The following ADAM22 variants were observed in gnomAD, a reference collection of about 807,000 sequenced individuals.
The protein encoded by ADAM22 is disintegrin and metalloproteinase domain-containing protein 22.
A neutral mutation model predicts 144.6 loss-of-function variants in ADAM22; 65 were observed. That is an observed-to-expected ratio of 0.45 (90% confidence interval 0.37 to 0.55). The LOEUF (loss-of-function observed/expected upper bound fraction) is 0.55, where lower values mean the gene tolerates loss of function less well. Ranked by LOEUF, ADAM22 falls within the 20% of genes least tolerant of loss-of-function variation. ADAM22 has a pLI of 0.00. For synonymous variants in ADAM22, 391 were observed against 412.6 expected (o/e 0.95, Z 0.63); for missense variants, 974 against 1,184.9 (o/e 0.82, Z 2.61).
At chr7:88,046,847 G>A (rs866456726) in intron 3 of ADAM22, among the ~76,000 whole-genome samples, 17 of 151,948 alleles carry the variant, frequency 1.1e-4, no homozygotes, top group Non-Finnish European at 1.5e-4. Flanking sequence ...ATCTTGAATA[G>A]TTCTTTAATG....
intron 31 of ADAM22, 66 bp from the exon 32 acceptor site, chr7:88,196,405 T>C (rs1334852120): frequency 4.5e-6 from 7 of 1,568,892 alleles, no homozygotes; most frequent in Non-Finnish European, 6.1e-6. Context: ...CTTTTTCATC[T>C]CCTATTCAGA....
rs368127471 is a variant in ADAM22, at chr7:88,163,028, C to T, written c.1924C>T (p.Leu642Phe). Residue 642 changes from leucine to phenylalanine, a missense_variant, in exon 23 of 32, where the codon CTT becomes TTT. Coordinates refer to ENST00000413139, the MANE Select transcript of ADAM22 (RefSeq NM_001324418.2). ...TLNCSGGHVK[L>F]EEDVDLGYVE... Reference sequence around the variant, plus strand: ...TGTTTTTAGTGGTGGGCATGTTAAGCTTGAAGAAGATGTAGATCTTGGCTA... The same window carrying T: ...TGTTTTTAGTGGTGGGCATGTTAAGTTTGAAGAAGATGTAGATCTTGGCTA... 1.9e-6 allele frequency: 3 copies of T among 1,609,160 alleles called. No individual in the cohort carries two copies. The highest frequency in any genetic ancestry group is 2.7e-5 in the African/African-American group (2 of 74,580).
chr7:88,192,779 C>T lies in ADAM22; in HGVS notation c.2751-337C>T, dbSNP rs375946655. Among the ~76,000 whole-genome samples the T allele has an allele frequency of 1.8e-4, 28 of 152,276 alleles. No individual in the cohort carries two copies. In the South Asian group the frequency reaches 5.6e-3, roughly 30 times the overall value. ...TAAGGCACAATATTAATATTTTATA[C>T]ACATAATTTACCATTATAAGCTCTT... On this transcript the variant is annotated intron_variant, in intron 30 of 31. Transcript: ENST00000413139.
At chr7:88,145,528 A>G (rs754902431) in intron 17 of ADAM22, 21 bp downstream of exon 17, 2 of 1,581,934 alleles carry the variant, frequency 1.3e-6, no homozygotes, top group Non-Finnish European at 1.7e-6. Context: ...ATTAATGACC[A>G]TTTGACAGAA....
At position 88,156,019 on chromosome 7, in the gene ADAM22, C is replaced by T; in HGVS notation, c.1907+13C>T. 1 of 1,611,678 alleles carries T rather than the reference C, an allele frequency of 6.2e-7. No homozygotes were observed. Among genetic ancestry groups the T allele is most frequent in the Middle Eastern group, 1.7e-4 (1 of 6,042 alleles). On this transcript the variant is annotated intron_variant, in intron 22 of 31. Transcript: ENST00000413139. ...CATTAAACTGCAGGTAATTATCTAA[C>T]CATTCTGTAAGAATCTGAGTCATCT...
chr7:88,000,615 A>G (rs1378690772), intron 3 of ADAM22, among the ~76,000 whole-genome samples: 1 of 152,114 alleles, frequency 6.6e-6, no homozygotes, highest in African/African-American at 2.4e-5. Flanking sequence ...ATTATTTATT[A>G]TAATAAATTT....
intron 2 of ADAM22, among the ~76,000 whole-genome samples, chr7:87,955,167 G>A (rs542979097): frequency 5.8e-4 from 88 of 152,294 alleles, no homozygotes; most frequent in East Asian, 2.3e-3. Context: ...GCTTTGTTCC[G>A]TTGCTGGTGA....
chr7:88,052,187 G>A (rs950905469), intron 3 of ADAM22, among the ~76,000 whole-genome samples: 3 of 151,852 alleles, frequency 2.0e-5, no homozygotes, highest in Non-Finnish European at 4.4e-5. Context: ...CAAAGACCTC[G>A]GGCTTTAGCA....
intron 4 of ADAM22, among the ~76,000 whole-genome samples, chr7:88,100,746 C>T (rs1277775907): frequency 1.7e-4 from 26 of 152,120 alleles, no homozygotes; most frequent in Admixed American, 1.7e-3. Flanking sequence ...GAACTCCTGG[C>T]CTCAAGTGAT....
chr7:88,111,604 G>A (rs1826060408), intron 5 of ADAM22, among the ~76,000 whole-genome samples: 2 of 152,208 alleles, frequency 1.3e-5, no homozygotes, highest in South Asian at 4.1e-4. Flanking sequence ...GTGGAAATTT[G>A]TAAGAATGGC....
At chr7:87,967,465 T>A (rs1849396608) in intron 2 of ADAM22, among the ~76,000 whole-genome samples, 1 of 151,940 alleles carries the variant, frequency 6.6e-6, no homozygotes, top group Admixed American at 6.6e-5. Flanking sequence ...TCAAAAAGAA[T>A]AAAAATACCA....
At position 87,972,001 on chromosome 7, in the gene ADAM22, T is replaced by C. The variant is rs569333739; in HGVS notation, c.247-6335T>C. On this transcript the variant is annotated intron_variant, in intron 2 of 31. Coordinates refer to ENST00000413139, the MANE Select transcript of ADAM22 (RefSeq NM_001324418.2). ...GTCAGGAGATCGAGACCATCCTGGCTAACACAGTGAAACCCTGTCTCTACT... is the reference window on the plus strand; with the variant it reads ...GTCAGGAGATCGAGACCATCCTGGCCAACACAGTGAAACCCTGTCTCTACT... Among the ~76,000 whole-genome samples, 24 of 152,232 alleles carry C rather than the reference T, an allele frequency of 1.6e-4. No homozygotes were observed. In the East Asian group the frequency reaches 4.1e-3, roughly 26 times the overall value.
intron 3 of ADAM22, among the ~76,000 whole-genome samples, chr7:87,982,068 TACACACACACAC>T (rs1175758724): frequency 1.7e-4 from 16 of 93,720 alleles, no homozygotes; most frequent in South Asian, 4.7e-4. Context: ...TATATATATA[TACACACACACAC>T]ACACACACAC....
At chr7:88,081,621 C>T (rs1311540967) in intron 4 of ADAM22, among the ~76,000 whole-genome samples, 4 of 149,698 alleles carry the variant, frequency 2.7e-5, no homozygotes, top group African/African-American at 9.9e-5. Context: ...TCTCCTTAAG[C>T]TGATAAGCAA....
chr7:88,042,730 C>G (rs7802934), intron 3 of ADAM22, among the ~76,000 whole-genome samples: 60,852 of 151,216 alleles, frequency 0.4, 13,832 homozygotes, highest in East Asian at 0.59. Context: ...TTGTTCAGGT[C>G]AGGCTGACAT....
At chr7:88,099,444 G>A (rs113560834) in intron 4 of ADAM22, among the ~76,000 whole-genome samples, 9 of 152,244 alleles carry the variant, frequency 5.9e-5, no homozygotes, top group African/African-American at 1.7e-4. Flanking sequence ...AAGAAATTCC[G>A]AATTTAGGAA....
At chr7:88,145,916 T>G (rs1836263517) in intron 17 of ADAM22, among the ~76,000 whole-genome samples, 1 of 152,208 alleles carries the variant, frequency 6.6e-6, no homozygotes, top group South Asian at 2.1e-4. Context: ...GATCTTTTCT[T>G]GTTGCTCAGC....
In ADAM22 at chr7:88,062,547, T is replaced by A. The variant is rs557177676; in HGVS notation, c.324-13079T>A. Among the ~76,000 whole-genome samples the A allele has an allele frequency of 6.6e-5, 10 of 152,358 alleles. No homozygotes were observed. In the South Asian group the frequency reaches 2.1e-3, roughly 32 times the overall value. On this transcript the variant is annotated intron_variant, in intron 3 of 31. Coordinates refer to ENST00000413139, the MANE Select transcript of ADAM22 (RefSeq NM_001324418.2). The stretch of plus-strand genomic sequence containing the variant: ...ATCTAGACCACTAAAACTTTCTTCA[T>A]ATCAGCAATAAGGCTGTTTTGCTTT...
intron 7 of ADAM22, among the ~76,000 whole-genome samples, chr7:88,120,011 A>G (rs1488360449): frequency 6.6e-6 from 1 of 152,148 alleles, no homozygotes; most frequent in Non-Finnish European, 1.5e-5. Context: ...ATGCATCAGA[A>G]TCATCTGGAG....
Sources: gnomAD v4.1 joint callset for allele counts (sites outside exome capture counted in the v4.1 genomes callset) on GRCh38, gnomAD v4.1.1 for gene constraint, MANE v1.5 for transcripts, NCBI Gene and HGNC (gene_info 2026-07-23, HGNC 2026-07-21) for gene names.